The following CUX1 variants were observed in gnomAD, a reference collection of about 807,000 sequenced individuals.
CUX1 encodes the protein protein CASP.
In CUX1, 31 loss-of-function variants were observed where a neutral mutation model predicts 158.8. That is an observed-to-expected ratio of 0.20 (90% CI 0.15 to 0.26). The LOEUF (loss-of-function observed/expected upper bound fraction) is 0.26, where lower values mean the gene tolerates loss of function less well. Ranked by LOEUF, CUX1 falls within the 10% of genes least tolerant of loss-of-function variation. The pLI is 1.00. For synonymous variants in CUX1, 879 were observed against 862.1 expected, an observed-to-expected ratio of 1.02 and a Z score of -0.34; for missense variants, 1,589 against 2,014.6, an observed-to-expected ratio of 0.79 and a Z score of 4.04.
At chr7:102,124,435 A>G (rs1161653216) in intron 8 of CUX1, among the ~76,000 whole-genome samples, 3 of 152,264 alleles carry the variant, frequency 2.0e-5, no homozygotes, top group African/African-American at 7.2e-5. Flanking sequence ...GAAGTGACCT[A>G]TGTGCCCAGC....
chr7:101,962,688 C>A (rs1477177477), intron 2 of CUX1, among the ~76,000 whole-genome samples: 3 of 152,144 alleles, frequency 2.0e-5, no homozygotes, highest in African/African-American at 7.2e-5. Context: ...TGAGCAATAG[C>A]CATCATACCA....
chr7:102,132,212 AGATG>A (rs1270188427), intron 8 of CUX1, among the ~76,000 whole-genome samples: 4 of 149,418 alleles, frequency 2.7e-5, no homozygotes, highest in Non-Finnish European at 5.9e-5. Context: ...GCGGGTGGAT[AGATG>A]GATGGATGGA....
intron 6 of CUX1, among the ~76,000 whole-genome samples, chr7:102,106,560 C>A (rs1680276709): frequency 2.0e-5 from 3 of 152,178 alleles, no homozygotes; most frequent in African/African-American, 7.2e-5. Flanking sequence ...TTGGCAACAC[C>A]CAGGAGTTAC....
chr7:101,892,388 G>A (rs1338222880), intron 1 of CUX1, among the ~76,000 whole-genome samples: 4 of 152,138 alleles, frequency 2.6e-5, no homozygotes, highest in South Asian at 2.1e-4. Flanking sequence ...TTCTGGCACC[G>A]TATCCCAAAG....
intron 1 of CUX1, among the ~76,000 whole-genome samples, chr7:101,818,521 G>A (rs1792126108): frequency 6.6e-6 from 1 of 152,182 alleles, no homozygotes; most frequent in South Asian, 2.1e-4. Context: ...TTCTTCAGGG[G>A]ATCAGGGCTC....
At chr7:102,077,315 A>C (rs1345321694) in intron 4 of CUX1, among the ~76,000 whole-genome samples, 1 of 151,934 alleles carries the variant, frequency 6.6e-6, no homozygotes, top group African/African-American at 2.4e-5. Flanking sequence ...CTTAGTGAGC[A>C]GAAGAGGAAA....
At chr7:101,852,826 G>A (rs1473193531) in intron 1 of CUX1, among the ~76,000 whole-genome samples, 1 of 151,680 alleles carries the variant, frequency 6.6e-6, no homozygotes, top group Non-Finnish European at 1.5e-5. Context: ...ATAGGCACAT[G>A]CCACCATGCC....
chr7:102,135,555 T>TTG (rs1159056399), intron 8 of CUX1, among the ~76,000 whole-genome samples: 5 of 140,852 alleles, frequency 3.5e-5, no homozygotes, highest in Admixed American at 2.1e-4. Flanking sequence ...GAGGGTCAAC[T>TTG]TGTGTGTGTG....
rs1281633470 is a variant in CUX1 at position 102,252,270 on chromosome 7, C to T, written c.*3228C>T. 2 of 985,312 alleles carry T rather than the reference C, an allele frequency of 2.0e-6. No individual in the cohort carries two copies. Among genetic ancestry groups the T allele is most frequent in the East Asian group, 2.3e-4 (2 of 8,830 alleles). 61.0% of individuals were successfully genotyped at this position (985,312 alleles called of 1,614,324 possible). ...CCTGGTTGGGCCCCTCAGTTGGAGT[C>T]TAAGGGTTAATCTCTCATCTTGCTA... On this transcript the variant is annotated 3_prime_UTR_variant, in exon 24 of 24. Transcript: ENST00000292535.
chr7:102,211,740 A>G (rs1331424280), intron 20 of CUX1, among the ~76,000 whole-genome samples: 2 of 142,580 alleles, frequency 1.4e-5, no homozygotes, highest in South Asian at 2.4e-4. Flanking sequence ...AGATTGCACT[A>G]TTGCACTCCA....
At chr7:102,002,540 A>G (rs1816802747) in intron 2 of CUX1, among the ~76,000 whole-genome samples, 2 of 152,214 alleles carry the variant, frequency 1.3e-5, no homozygotes, top group Non-Finnish European at 2.9e-5. Flanking sequence ...GGCACTTACT[A>G]GCGAGAGTTC....
chr7:102,265,686 G>C (rs1387109859), intron 14 of CUX1, among the ~76,000 whole-genome samples: 2 of 152,076 alleles, frequency 1.3e-5, no homozygotes, highest in Non-Finnish European at 1.5e-5. Flanking sequence ...TCCTGCCTCA[G>C]CCTCCCAAAG....
intron 3 of CUX1, among the ~76,000 whole-genome samples, chr7:102,052,537 C>G (rs401966): frequency 0.54 from 82,747 of 151,936 alleles, 24,548 homozygotes; most frequent in East Asian, 0.97. Context: ...CAATTATCAG[C>G]TGATGGCCAT....
At chr7:102,068,518 G>A (rs1705183079) in intron 3 of CUX1, among the ~76,000 whole-genome samples, 1 of 152,122 alleles carries the variant, frequency 6.6e-6, no homozygotes, top group Non-Finnish European at 1.5e-5. Flanking sequence ...CTTGTTAGAA[G>A]TTGGAAATGC....
chr7:102,112,214 C>T (rs1830971031), intron 7 of CUX1, among the ~76,000 whole-genome samples: 1 of 149,498 alleles, frequency 6.7e-6, no homozygotes, highest in African/African-American at 2.5e-5. Flanking sequence ...CAAGTTTTTA[C>T]AGTATCTTTA....
At chr7:102,062,151 A>G (rs1824949827) in intron 3 of CUX1, among the ~76,000 whole-genome samples, 1 of 152,168 alleles carries the variant, frequency 6.6e-6, no homozygotes, top group Non-Finnish European at 1.5e-5. Flanking sequence ...CATCACTTAC[A>G]TACCATTGGC....
intron 11 of CUX1, among the ~76,000 whole-genome samples, chr7:102,179,742 C>G (rs1459199279): frequency 6.6e-6 from 1 of 152,228 alleles, no homozygotes; most frequent in Non-Finnish European, 1.5e-5. Context: ...GGGAGACTCT[C>G]GGAGTTGTCT....
chr7:102,101,802 T>G (rs551359079), intron 5 of CUX1, among the ~76,000 whole-genome samples: 36 of 151,932 alleles, frequency 2.4e-4, no homozygotes, highest in Non-Finnish European at 4.4e-4. Flanking sequence ...ATCCCAGCTC[T>G]TCGGGAGACT....
At position 102,279,809 on chromosome 7, in the gene CUX1, G is replaced by A. The variant is rs543259053; in HGVS notation, c.1681-228G>A. On this transcript the variant is annotated intron_variant, in intron 18 of 22. Transcript: ENST00000292538. The stretch of plus-strand genomic sequence containing the variant: ...CCTCAGTTCCCCATCTGTGCCCGGA[G>A]GCACTGTGGCCCTGACCCCATGGGT... Among the ~76,000 whole-genome samples, 5 of 152,308 alleles carry A rather than the reference G, an allele frequency of 3.3e-5. No individual in the cohort carries two copies. In the South Asian group the frequency reaches 6.2e-4, roughly 19 times the overall value.
Sources: gnomAD v4.1 joint callset for allele counts (sites outside exome capture counted in the v4.1 genomes callset) on GRCh38, gnomAD v4.1.1 for gene constraint, MANE v1.5 for transcripts, NCBI Gene and HGNC (gene_info 2026-07-23, HGNC 2026-07-21) for gene names.